The following KCNH8 variants were observed in gnomAD, a reference collection of about 807,000 sequenced individuals.
KCNH8 encodes voltage-gated delayed rectifier potassium channel KCNH8.
A neutral mutation model predicts 103.6 loss-of-function variants in KCNH8; 70 were observed. That is an observed-to-expected ratio of 0.68 (90% CI 0.56 to 0.82). The LOEUF (loss-of-function observed/expected upper bound fraction) is 0.82, where lower values mean the gene tolerates loss of function less well. Among genes scored for constraint, KCNH8 ranks in the 40% least tolerant of loss-of-function variants. The probability of loss-of-function intolerance (pLI) is 0.00; values close to 1 mark genes in which losing one functional copy is unlikely to be tolerated. For synonymous variants in KCNH8, 498 were observed against 489.4 expected, an observed-to-expected ratio of 1.02 and a Z score of -0.23; for missense variants, 1,217 against 1,329.9, an observed-to-expected ratio of 0.92 and a Z score of 1.32.
At chr3:19,449,307 T>TA (rs1414749240) in intron 8 of KCNH8, among the ~76,000 whole-genome samples, 1 of 150,668 alleles carries the variant, frequency 6.6e-6, no homozygotes, top group Non-Finnish European at 1.5e-5. Flanking sequence ...TATATATATA[T>TA]ATATATATAT....
chr3:19,174,367 A>G (rs1448787972), intron 1 of KCNH8, among the ~76,000 whole-genome samples: 1 of 152,244 alleles, frequency 6.6e-6, no homozygotes, highest in Admixed American at 6.5e-5. Context: ...CCTCAAAAAT[A>G]GTATTAAAAA....
intron 11 of KCNH8, among the ~76,000 whole-genome samples, chr3:19,500,616 G>T (rs747486562): frequency 6.6e-6 from 1 of 152,054 alleles, no homozygotes; most frequent in Non-Finnish European, 1.5e-5. Context: ...TAGAATTCAG[G>T]ATTAAGAATC....
chr3:19,223,624 T>C (rs2063898998), intron 1 of KCNH8, among the ~76,000 whole-genome samples: 1 of 152,192 alleles, frequency 6.6e-6, no homozygotes, highest in Non-Finnish European at 1.5e-5. Context: ...CTAGGTTTAC[T>C]GCTAATGGTG....
At chr3:19,506,526 G>A (rs915086971) in intron 11 of KCNH8, among the ~76,000 whole-genome samples, 5 of 152,140 alleles carry the variant, frequency 3.3e-5, no homozygotes, top group Non-Finnish European at 5.9e-5. Context: ...TGGCTCCTCT[G>A]TATTTCCTCA....
At chr3:19,269,368 T>C (rs2064556973) in intron 2 of KCNH8, among the ~76,000 whole-genome samples, 1 of 152,068 alleles carries the variant, frequency 6.6e-6, no homozygotes, top group African/African-American at 2.4e-5. Flanking sequence ...AAAAATACCT[T>C]TTCAGAACTA....
At chr3:19,319,359 A>G (rs2065319557) in intron 3 of KCNH8, among the ~76,000 whole-genome samples, 1 of 151,986 alleles carries the variant, frequency 6.6e-6, no homozygotes, top group Non-Finnish European at 1.5e-5. Context: ...ACAGAAGAGC[A>G]TCCAGTTTCA....
chr3:19,287,711 G>C (rs1195447992), intron 3 of KCNH8, among the ~76,000 whole-genome samples: 1 of 152,028 alleles, frequency 6.6e-6, no homozygotes, highest in Non-Finnish European at 1.5e-5. Flanking sequence ...TCAGCCTCCT[G>C]AGTAGCTGGG....
At chr3:19,471,629 A>G (rs1413629470) in intron 11 of KCNH8, among the ~76,000 whole-genome samples, 1 of 152,226 alleles carries the variant, frequency 6.6e-6, no homozygotes, top group Non-Finnish European at 1.5e-5. Flanking sequence ...AAGTTGTATA[A>G]GTTTATGCTC....
At chr3:19,396,192 C>A (rs892955199) in intron 7 of KCNH8, among the ~76,000 whole-genome samples, 2 of 151,996 alleles carry the variant, frequency 1.3e-5, no homozygotes, top group African/African-American at 4.8e-5. Context: ...TATCAAAAAT[C>A]AATCTTGAAC....
At chr3:19,416,308 T>C (rs1216705574) in intron 7 of KCNH8, among the ~76,000 whole-genome samples, 6 of 152,110 alleles carry the variant, frequency 3.9e-5, no homozygotes, top group Admixed American at 3.9e-4. Flanking sequence ...ATTATACACA[T>C]ATTATAAGAC....
In KCNH8 at chr3:19,253,959, C is replaced by G; in HGVS notation, c.310+72C>G. 4 of 1,030,036 alleles carry G rather than the reference C, an allele frequency of 3.9e-6. No homozygotes were observed. The East Asian group carries it at 7.2e-5, about 19-fold the overall frequency. The allele number at this position is 1,030,036 out of a possible 1,614,324, so 63.8% of individuals were successfully genotyped here. A position where few individuals can be genotyped will look rare whatever the true frequency, so the allele number is the denominator to read the frequency against. On this transcript the variant is annotated intron_variant, in intron 2 of 15. Coordinates refer to ENST00000328405, the MANE Select transcript of KCNH8 (RefSeq NM_144633.3). ...TCTTCTTTCAACCTAGTAATTGCTCCGCAACTCCCATTAAGGCTTAATGGC... is the reference window on the plus strand; with the variant it reads ...TCTTCTTTCAACCTAGTAATTGCTCGGCAACTCCCATTAAGGCTTAATGGC...
intron 1 of KCNH8, among the ~76,000 whole-genome samples, chr3:19,241,061 T>C (rs2064134480): frequency 6.6e-6 from 1 of 152,124 alleles, no homozygotes; most frequent in Non-Finnish European, 1.5e-5. Flanking sequence ...TTTGAGATAT[T>C]TCACACTAAT....
At chr3:19,215,096 T>C (rs921057106) in intron 1 of KCNH8, among the ~76,000 whole-genome samples, 2 of 152,236 alleles carry the variant, frequency 1.3e-5, no homozygotes, top group African/African-American at 2.4e-5. Flanking sequence ...AGCATTCTAA[T>C]TGGAGCTCTA....
At chr3:19,515,951 T>G (rs184645072) in intron 14 of KCNH8, among the ~76,000 whole-genome samples, 1 of 152,174 alleles carries the variant, frequency 6.6e-6, no homozygotes, top group East Asian at 1.9e-4. Flanking sequence ...TGAAGGTACC[T>G]CCAACTCTAG....
Position 19,450,078 on chromosome 3 carries a change from C to A in KCNH8, c.1376-28C>A, listed in dbSNP as rs374722334. The A allele has an allele frequency of 4.4e-6, 7 of 1,590,354 alleles. No individual in the cohort carries two copies. The Admixed American group carries it at 5.1e-5, about 12-fold the overall frequency. ...GTGGGCCTCATGTCACATTTCTCTTCCATTATATACTGTGTTGTTCTTTCT... is the reference window on the plus strand; with the variant it reads ...GTGGGCCTCATGTCACATTTCTCTTACATTATATACTGTGTTGTTCTTTCT... On this transcript the variant is annotated intron_variant, in intron 8 of 15. Transcript: ENST00000328405.
At chr3:19,418,688 A>G (rs1027477919) in intron 7 of KCNH8, among the ~76,000 whole-genome samples, 1 of 152,210 alleles carries the variant, frequency 6.6e-6, no homozygotes, top group Admixed American at 6.5e-5. Flanking sequence ...CCTAAGACAT[A>G]CCAAGACAGA....
intron 1 of KCNH8, among the ~76,000 whole-genome samples, chr3:19,243,693 A>G (rs1048301137): frequency 4.6e-5 from 7 of 152,224 alleles, no homozygotes; most frequent in Non-Finnish European, 8.8e-5. Context: ...TTCAAATTTA[A>G]AAGACCTATC....
At chr3:19,172,910 G>A (rs1003425916) in intron 1 of KCNH8, among the ~76,000 whole-genome samples, 1 of 151,822 alleles carries the variant, frequency 6.6e-6, no homozygotes, top group African/African-American at 2.4e-5. Context: ...CCTGCTATCT[G>A]CTTACCTATA....
At chr3:19,197,257 A>G (rs1279351183) in intron 1 of KCNH8, among the ~76,000 whole-genome samples, 1 of 151,990 alleles carries the variant, frequency 6.6e-6, no homozygotes, top group African/African-American at 2.4e-5. Flanking sequence ...ATACCCTCCA[A>G]TATTATCTCA....
Sources: allele counts gnomAD v4.1 joint callset (sites outside exome capture counted in the v4.1 genomes callset), GRCh38; gene constraint gnomAD v4.1.1; transcripts MANE v1.5; gene names NCBI Gene and HGNC (gene_info 2026-07-23, HGNC 2026-07-21).